ATP10B: variants seen among roughly 807,000 people sequenced by gnomAD.
ATP10B encodes ATPase phospholipid transporting 10B (putative), also known as phospholipid-transporting ATPase VB.
A neutral mutation model predicts 141.2 loss-of-function variants in ATP10B; 122 were observed. The ratio of observed to expected loss-of-function variants is 0.86; its 90% CI spans 0.75 to 1.00. The LOEUF (loss-of-function observed/expected upper bound fraction) is 1.00. ATP10B is among the 50% of genes least tolerant of loss of function. The pLI, the probability that ATP10B is intolerant of heterozygous loss-of-function variation, is 0.00. For missense variants in ATP10B, 1,876 were observed against 1,825.3 expected, an observed-to-expected ratio of 1.03 and a Z score of -0.51; for synonymous variants, 685 against 692.0, an observed-to-expected ratio of 0.99 and a Z score of 0.16.
chr5:160,668,265 G>T (rs1762448119), intron 7 of ATP10B, among the ~76,000 whole-genome samples: 1 of 149,388 alleles, frequency 6.7e-6, no homozygotes, highest in East Asian at 2.0e-4. Flanking sequence ...AGCATAGAAA[G>T]TCTCAGAGTG....
chr5:160,884,121 G>A, the ATP10B span, among the ~76,000 whole-genome samples: 1 of 152,140 alleles, frequency 6.6e-6, no homozygotes, highest in Non-Finnish European at 1.5e-5. Context: ...TAGCAAGCCT[G>A]CCAAAATCTC....
At chr5:160,595,259 A>G (rs972830485) in intron 22 of ATP10B, among the ~76,000 whole-genome samples, 19 of 152,172 alleles carry the variant, frequency 1.2e-4, no homozygotes, top group Admixed American at 5.9e-4. Flanking sequence ...ACTCAACTAC[A>G]TGGAAACTGA....
intron 24 of ATP10B, among the ~76,000 whole-genome samples, chr5:160,580,766 C>T (rs1194291435): frequency 6.6e-6 from 1 of 152,098 alleles, no homozygotes; most frequent in African/African-American, 2.4e-5. Context: ...TGGTAGAATT[C>T]GGCTGTGAAT....
chr5:160,832,430 A>C (rs1369160142), intron 1 of ATP10B, among the ~76,000 whole-genome samples: 1 of 152,160 alleles, frequency 6.6e-6, no homozygotes, highest in Non-Finnish European at 1.5e-5. Context: ...TGCCCTCAAC[A>C]CATTGTTGAT....
At position 160,654,042 on chromosome 5, in the gene ATP10B, A is replaced by G. The variant is rs1284168064; in HGVS notation, c.676-4786T>C. On this transcript the variant is annotated intron_variant, in intron 7 of 25. Coordinates refer to ENST00000327245, the MANE Select transcript of ATP10B (RefSeq NM_025153.3). ...AAATATATGTTGTATATACGTATAT[A>G]CATATATAAATATATGTTGTATATA... Among the ~76,000 whole-genome samples, 4 of 146,560 alleles carry G rather than the reference A, an allele frequency of 2.7e-5. No homozygotes were observed. The Admixed American group carries it at 2.7e-4, about 10-fold the overall frequency.
chr5:160,824,598 G>T (rs773817024), intron 1 of ATP10B, among the ~76,000 whole-genome samples: 2 of 151,934 alleles, frequency 1.3e-5, no homozygotes, highest in Non-Finnish European at 2.9e-5. Context: ...ACACACCTAG[G>T]GTATATGATA....
chr5:160,649,257 C>A lies in ATP10B; in HGVS notation c.676-1G>T. The A allele has an allele frequency of 6.2e-7, 1 of 1,612,120 alleles. No homozygotes were observed. Among genetic ancestry groups the A allele is most frequent in the Non-Finnish European group, 8.5e-7 (1 of 1,178,304 alleles). On this transcript the variant is annotated splice_acceptor_variant, in intron 7 of 25. Transcript: ENST00000327245. LOFTEE classifies it high-confidence loss of function. ...AAAGCTCTGGTTCGAACTGTACCTCCTGTGAGAGAGAGGACTCTGTGAGTT... is the reference window on the plus strand; with the variant it reads ...AAAGCTCTGGTTCGAACTGTACCTCATGTGAGAGAGAGGACTCTGTGAGTT...
chr5:160,922,661 C>T, the ATP10B span, among the ~76,000 whole-genome samples: 1 of 152,270 alleles, frequency 6.6e-6, no homozygotes, highest in South Asian at 2.1e-4. Context: ...AAACAAAAAC[C>T]AATCTGAAAA....
chr5:160,702,837 G>A (rs551278796), intron 3 of ATP10B, among the ~76,000 whole-genome samples: 1 of 152,006 alleles, frequency 6.6e-6, no homozygotes, highest in Non-Finnish European at 1.5e-5. Flanking sequence ...GTAGAACCAA[G>A]GTACACTTCT....
the ATP10B span, among the ~76,000 whole-genome samples, chr5:160,921,215 T>C: frequency 1.8e-4 from 27 of 152,152 alleles, no homozygotes; most frequent in South Asian, 5.2e-3. Context: ...CAACCATAAA[T>C]GTACATGTGT....
the ATP10B span, among the ~76,000 whole-genome samples, chr5:160,911,514 G>A: frequency 4.1e-4 from 63 of 152,316 alleles, 1 homozygote; most frequent in African/African-American, 1.5e-3. Context: ...TAGACTAGAT[G>A]CCTCTCAAGG....
chr5:160,585,321 G>A (rs767116439), intron 24 of ATP10B, among the ~76,000 whole-genome samples: 5 of 152,172 alleles, frequency 3.3e-5, no homozygotes, highest in African/African-American at 1.2e-4. Context: ...TAGCTTGGTG[G>A]TTTCTAGTAT....
At chr5:160,927,319 C>T in the ATP10B span, among the ~76,000 whole-genome samples, 1 of 152,200 alleles carries the variant, frequency 6.6e-6, no homozygotes, top group African/African-American at 2.4e-5. Flanking sequence ...AGTACCCCCA[C>T]ATCTTTAAGA....
At chr5:160,868,823 C>T in the ATP10B span, among the ~76,000 whole-genome samples, 1 of 152,042 alleles carries the variant, frequency 6.6e-6, no homozygotes, top group Non-Finnish European at 1.5e-5. Flanking sequence ...TTAAGAAAAT[C>T]AAGATTTGGG....
rs150243404 is a variant in ATP10B, at chr5:160,758,933, A to G, written c.-331+26626T>C. Among the ~76,000 whole-genome samples the G allele has an allele frequency of 1.8e-3, 279 of 152,348 alleles. 1 individual carries two copies. The highest frequency in any genetic ancestry group is 6.3e-3 in the African/African-American group (261 of 41,584). On this transcript the variant is annotated intron_variant, in intron 2 of 25. Transcript: ENST00000327245. ...TGTCCATCCTTTTTCACTGTCTGCC[A>G]TGGTACATGATTTTCTTGGGAAACC...
intron 1 of ATP10B, among the ~76,000 whole-genome samples, chr5:160,837,947 A>T (rs1311349811): frequency 6.6e-6 from 1 of 152,212 alleles, no homozygotes; most frequent in East Asian, 1.9e-4. Context: ...TGACATCAGG[A>T]TTCTGTAATG....
At chr5:160,926,083 C>A in the ATP10B span, among the ~76,000 whole-genome samples, 1 of 152,214 alleles carries the variant, frequency 6.6e-6, no homozygotes. Context: ...TCACTTACCA[C>A]CTGGTGACCT....
rs564575102 is a variant in ATP10B, at chr5:160,564,932, C to T, written c.*521G>A. The T allele has an allele frequency of 1.3e-5, 2 of 152,928 alleles. No individual in the cohort carries two copies. The highest frequency in any genetic ancestry group is 2.9e-5 in the Non-Finnish European group (2 of 68,680). The allele number at this position is 152,928 out of a possible 1,614,324, so 9.5% of individuals were successfully genotyped here. A position where few individuals can be genotyped will look rare whatever the true frequency, so the allele number is the denominator to read the frequency against. On this transcript the variant is annotated 3_prime_UTR_variant, in exon 26 of 26. Coordinates refer to ENST00000327245, the MANE Select transcript of ATP10B (RefSeq NM_025153.3). ...TTACAGGCAAAAAGCAGAACCAACTCGCTGTGCCTGGAAGGGATGTTAACC... is the reference window on the plus strand; with the variant it reads ...TTACAGGCAAAAAGCAGAACCAACTTGCTGTGCCTGGAAGGGATGTTAACC...
At chr5:160,811,824 TAG>T (rs931218903) in intron 1 of ATP10B, among the ~76,000 whole-genome samples, 75 of 152,276 alleles carry the variant, frequency 4.9e-4, no homozygotes, top group African/African-American at 1.7e-3. Flanking sequence ...CTGCTGATTT[TAG>T]AGCTCCAGGG....
Sources: gnomAD v4.1 joint callset for allele counts (sites outside exome capture counted in the v4.1 genomes callset) on GRCh38, gnomAD v4.1.1 for gene constraint, MANE v1.5 for transcripts, NCBI Gene and HGNC (gene_info 2026-07-23, HGNC 2026-07-21) for gene names.